Variants in DTNB observed in about 807,000 individuals in gnomAD.
DTNB encodes dystrobrevin beta.
A neutral mutation model predicts 90.7 loss-of-function variants in DTNB; 63 were observed. The observed-to-expected ratio is 0.69, with a 90% CI of 0.57 to 0.86. The LOEUF (loss-of-function observed/expected upper bound fraction) is 0.86, where lower values mean the gene tolerates loss of function less well. DTNB is among the 40% of genes least tolerant of loss of function. The probability of loss-of-function intolerance (pLI) is 0.00; values close to 1 mark genes in which losing one functional copy is unlikely to be tolerated. For missense variants in DTNB, 744 were observed against 807.1 expected (o/e 0.92, Z 0.95); for synonymous variants, 277 against 286.7 (o/e 0.97, Z 0.34).
At chr2:25,509,746 CTT>C (rs36101268) in intron 9 of DTNB, among the ~76,000 whole-genome samples, 3 of 83,722 alleles carry the variant, frequency 3.6e-5, no homozygotes, top group African/African-American at 9.7e-5. Context: ...CTTTTAGATT[CTT>C]TTTTTTTTTT....
chr2:25,610,213 C>G (rs1220008902), intron 4 of DTNB, among the ~76,000 whole-genome samples: 1 of 152,186 alleles, frequency 6.6e-6, no homozygotes, highest in African/African-American at 2.4e-5. Flanking sequence ...TGGGCTCAAA[C>G]AATCCTCCCA....
intron 3 of DTNB, among the ~76,000 whole-genome samples, chr2:25,633,309 G>C: frequency 7.0e-6 from 1 of 142,902 alleles, no homozygotes; most frequent in Non-Finnish European, 1.5e-5. Context: ...CATTGCAGGC[G>C]CGCGCCGCCA....
chr2:25,391,928 G>A (rs529157364), intron 16 of DTNB, among the ~76,000 whole-genome samples: 1 of 152,290 alleles, frequency 6.6e-6, no homozygotes, highest in East Asian at 1.9e-4. Context: ...GTGATGCTAA[G>A]AGGAAAGTTC....
At position 25,558,180 on chromosome 2, in the gene DTNB, T is replaced by C. The variant is rs556112791; in HGVS notation, c.876+18658A>G. On this transcript the variant is annotated intron_variant, in intron 8 of 20. Coordinates refer to ENST00000406818, the MANE Select transcript of DTNB (RefSeq NM_021907.5). ...ATTTCGTAGTCACTAAATGAAGATA[T>C]ACAACATATAACACACATGGATTAA... 1.1e-5 allele frequency: 11 copies of C among 981,324 alleles called. No individual in the cohort carries two copies. The Admixed American group carries it at 3.1e-4, about 27-fold the overall frequency. 60.8% of individuals were successfully genotyped at this position (981,324 alleles called of 1,614,324 possible). A position where few individuals can be genotyped will look rare whatever the true frequency, so the allele number is the denominator to read the frequency against.
chr2:25,645,496 G>A (rs1181976275), intron 2 of DTNB, among the ~76,000 whole-genome samples: 1 of 152,104 alleles, frequency 6.6e-6, no homozygotes, highest in African/African-American at 2.4e-5. Flanking sequence ...TTGAAGTGCA[G>A]TTTCACAATC....
chr2:25,379,661 C>T (rs1158508607), intron 19 of DTNB: 10 of 289,896 alleles, frequency 3.4e-5, no homozygotes, highest in East Asian at 2.3e-4. Flanking sequence ...AACATGACTG[C>T]GCCTTGAGTG....
At chr2:25,378,798 TC>T (rs2036644508) in intron 20 of DTNB, among the ~76,000 whole-genome samples, 1 of 152,202 alleles carries the variant, frequency 6.6e-6, no homozygotes, top group Admixed American at 6.5e-5. Flanking sequence ...AGCGGCTTGG[TC>T]AGCCCTGTAG....
chr2:25,385,848 C>A (rs574972868), intron 18 of DTNB, among the ~76,000 whole-genome samples: 1 of 152,294 alleles, frequency 6.6e-6, no homozygotes, highest in Non-Finnish European at 1.5e-5. Context: ...TATTTAATGA[C>A]CTCTCACCCT....
intron 9 of DTNB, among the ~76,000 whole-genome samples, chr2:25,510,468 T>C (rs916501577): frequency 1.3e-5 from 2 of 152,268 alleles, no homozygotes; most frequent in African/African-American, 4.8e-5. Flanking sequence ...GGAACTTATC[T>C]GTGGAGATTA....
At chr2:25,625,173 T>C (rs938633910) in intron 4 of DTNB, among the ~76,000 whole-genome samples, 2 of 152,164 alleles carry the variant, frequency 1.3e-5, no homozygotes, top group Non-Finnish European at 2.9e-5. Context: ...TTTAACCTTA[T>C]GGAATTATGA....
At chr2:25,602,133 A>C (rs566117338) in intron 5 of DTNB, among the ~76,000 whole-genome samples, 2 of 152,188 alleles carry the variant, frequency 1.3e-5, no homozygotes, top group Admixed American at 6.5e-5. Flanking sequence ...AAAGAAAAAG[A>C]AAAAAGAAAA....
chr2:25,398,295 G>A (rs1278001208), intron 16 of DTNB, among the ~76,000 whole-genome samples: 1 of 152,222 alleles, frequency 6.6e-6, no homozygotes, highest in African/African-American at 2.4e-5. Flanking sequence ...GATTCTAGAA[G>A]TTGTGTTTGT....
intron 20 of DTNB, among the ~76,000 whole-genome samples, 155 bp downstream of exon 20, chr2:25,379,135 G>T (rs1299551720): frequency 1.3e-5 from 2 of 152,222 alleles, no homozygotes; most frequent in African/African-American, 4.8e-5. Flanking sequence ...GCACATGGCT[G>T]GGGTGGGCAA....
chr2:25,467,637 CA>C (rs2062044751), intron 10 of DTNB, among the ~76,000 whole-genome samples: 2 of 151,896 alleles, frequency 1.3e-5, no homozygotes, highest in Non-Finnish European at 2.9e-5. Context: ...ATGTTGAGTC[CA>C]GTAATGGACC....
intron 4 of DTNB, among the ~76,000 whole-genome samples, chr2:25,623,921 AC>A (rs2073467888): frequency 6.6e-6 from 1 of 152,146 alleles, no homozygotes; most frequent in African/African-American, 2.4e-5. Flanking sequence ...GGGCCAGGGC[AC>A]TCTGAAATTT....
intron 1 of DTNB, among the ~76,000 whole-genome samples, chr2:25,657,288 TA>T (rs35284164): frequency 0.45 from 66,741 of 148,380 alleles, 15,747 homozygotes; most frequent in East Asian, 0.77. Flanking sequence ...ACCCATGAAA[TA>T]AAAAAAAAAA....
chr2:25,441,743 C>G (rs1005811848), intron 12 of DTNB, among the ~76,000 whole-genome samples: 17 of 152,218 alleles, frequency 1.1e-4, no homozygotes, highest in African/African-American at 4.1e-4. Context: ...AGTTCCAAAT[C>G]TGTATCAAAT....
chr2:25,406,366 T>C (rs1260662424), intron 16 of DTNB, among the ~76,000 whole-genome samples: 1 of 151,922 alleles, frequency 6.6e-6, no homozygotes, highest in Non-Finnish European at 1.5e-5. Flanking sequence ...ACCCTGTCTC[T>C]ACTAAAAATA....
intron 6 of DTNB, among the ~76,000 whole-genome samples, chr2:25,585,492 C>T (rs888473567): frequency 2.6e-5 from 4 of 152,152 alleles, no homozygotes; most frequent in South Asian, 2.1e-4. Context: ...CCCTACATGC[C>T]ATTCTCACTT....
Sources: allele counts gnomAD v4.1 joint callset (sites outside exome capture counted in the v4.1 genomes callset), GRCh38; gene constraint gnomAD v4.1.1; transcripts MANE v1.5; gene names NCBI Gene and HGNC (gene_info 2026-07-23, HGNC 2026-07-21).